The following PROM1 variants were observed in gnomAD, a reference collection of about 807,000 sequenced individuals.
The protein encoded by PROM1 is prominin-1.
A neutral mutation model predicts 116.9 loss-of-function variants in PROM1; 105 were observed. The ratio of observed to expected loss-of-function variants is 0.90; its 90% CI spans 0.77 to 1.06. The LOEUF is 1.06. PROM1 is among the 50% of genes least tolerant of loss of function. The probability of loss-of-function intolerance (pLI) is 0.00; values close to 1 mark genes in which losing one functional copy is unlikely to be tolerated. For missense variants in PROM1, 1,122 were observed against 1,045.2 expected, an observed-to-expected ratio of 1.07 and a Z score of -1.01; for synonymous variants, 393 against 387.0, an observed-to-expected ratio of 1.02 and a Z score of -0.18.
chr4:16,060,322 T>TC (rs1553926733), intron 2 of PROM1, among the ~76,000 whole-genome samples: 2 of 151,500 alleles, frequency 1.3e-5, no homozygotes, highest in Non-Finnish European at 2.9e-5. Flanking sequence ...TTTTTTTTTT[T>TC]CCTTTGGGAC....
At chr4:15,973,309 C>G (rs934205991) in intron 26 of PROM1, among the ~76,000 whole-genome samples, 1 of 152,096 alleles carries the variant, frequency 6.6e-6, no homozygotes, top group African/African-American at 2.4e-5. Context: ...TAGCTGAGCA[C>G]GGTGGTGTGT....
At chr4:15,970,463 G>A (rs180982188) in intron 27 of PROM1, among the ~76,000 whole-genome samples, 1,653 of 151,540 alleles carry the variant, frequency 0.011, 8 homozygotes, top group Middle Eastern at 0.024. Flanking sequence ...GTGAGCCACC[G>A]CACCAGCCCT....
At chr4:16,011,945 A>C (rs1378522015) in intron 11 of PROM1, among the ~76,000 whole-genome samples, 1 of 152,236 alleles carries the variant, frequency 6.6e-6, no homozygotes, top group African/African-American at 2.4e-5. Context: ...TTTTAAAAGA[A>C]ATAGAAGATA....
chr4:16,006,143 T>A (rs773916724), intron 13 of PROM1, among the ~76,000 whole-genome samples: 5 of 152,210 alleles, frequency 3.3e-5, no homozygotes, highest in Non-Finnish European at 7.3e-5. Context: ...AATACTGCTG[T>A]CCCACAAGAG....
At chr4:16,057,666 C>G (rs1157536927) in intron 2 of PROM1, among the ~76,000 whole-genome samples, 2 of 152,196 alleles carry the variant, frequency 1.3e-5, no homozygotes, top group Non-Finnish European at 2.9e-5. Flanking sequence ...TATTTCCCTT[C>G]TCTAGTTTTA....
At chr4:16,065,996 G>A (rs1163972104) in intron 2 of PROM1, among the ~76,000 whole-genome samples, 2 of 152,216 alleles carry the variant, frequency 1.3e-5, no homozygotes, top group Non-Finnish European at 2.9e-5. Context: ...GACAGGCAGA[G>A]ATGAGAGTGA....
chr4:16,037,897 C>G (rs918718440), intron 3 of PROM1: 1 of 152,172 alleles, frequency 6.6e-6, no homozygotes, highest in Non-Finnish European at 1.5e-5. Context: ...ATGCAAGGAG[C>G]CTTGATACTT....
chr4:16,063,456 C>G (rs547068444), intron 2 of PROM1, among the ~76,000 whole-genome samples: 1 of 152,166 alleles, frequency 6.6e-6, no homozygotes, highest in African/African-American at 2.4e-5. Context: ...ATTAGCCAAG[C>G]ATGGTGGCAC....
chr4:16,059,997 T>C (rs1184058404), intron 2 of PROM1, among the ~76,000 whole-genome samples: 2 of 152,138 alleles, frequency 1.3e-5, no homozygotes, highest in Admixed American at 1.3e-4. Flanking sequence ...ATATATACAG[T>C]ATTTTTTCAC....
In PROM1 at chr4:15,994,043, C is replaced by A. The variant is rs953440200; in HGVS notation, c.1711G>T (p.Gly571Cys). 2.5e-6 allele frequency: 4 copies of A among 1,613,762 alleles called. No homozygotes were observed. The highest frequency in any genetic ancestry group is 2.2e-5 in the East Asian group (1 of 44,890). ...SDCKKNRGTY[G>C]TLHLQNSFNI... ...AAGCTGTTCTGCAGGTGAAGAGTGC[C>A]GTAAGTGCCTCTATTTTTTTTGCAG... The change falls in exon 16 of 28, where the codon GGC becomes TGC. Residue 571 changes from glycine (G) to cysteine (C), a missense_variant. By Grantham distance (159) the Gly-to-Cys change is radical. Coordinates refer to ENST00000447510, the MANE Select transcript of PROM1 (RefSeq NM_006017.3).
rs557109889 is a variant in PROM1 at position 16,002,214 on chromosome 4, G to C, written c.1455-1595C>G. Among the ~76,000 whole-genome samples the C allele has an allele frequency of 8.5e-4, 129 of 151,202 alleles. 1 individual carries two copies. The highest frequency in any genetic ancestry group is 3.0e-3 in the African/African-American group (125 of 41,218). On this transcript the variant is annotated intron_variant, in intron 13 of 27. Transcript: ENST00000447510. The stretch of plus-strand genomic sequence containing the variant: ...GGAAAGTGTGGGGGGTGTCGAAAAA[G>C]AAAAAAAACAGAAAGAGAAGGAAGA...
At position 16,009,038 on chromosome 4, in the gene PROM1, A is replaced by G. The variant is rs1560472917; in HGVS notation, c.1212T>C (p.Asp404=). The change falls in exon 12 of 28, where the codon GAT becomes GAC. Residue 404 remains aspartate (D), a synonymous_variant. Coordinates refer to ENST00000447510, the MANE Select transcript of PROM1 (RefSeq NM_006017.3). ...DNVTQRLPIQ[D]ILSAFSVYVN... ...CATAAACAGAGAATGCTGAGAGTAT[A>G]TCCTGAATAGGAAGACGCTGAGTTA... 1 of 1,604,388 alleles carries G rather than the reference A, an allele frequency of 6.2e-7. No homozygotes were observed. The highest frequency in any genetic ancestry group is 8.5e-7 in the Non-Finnish European group (1 of 1,171,548).
intron 2 of PROM1, among the ~76,000 whole-genome samples, chr4:16,053,878 T>C (rs1435653357): frequency 6.6e-6 from 1 of 152,168 alleles, no homozygotes; most frequent in Non-Finnish European, 1.5e-5. Context: ...GTAGATCACT[T>C]GAGGTCAGGA....
intron 1 of PROM1, chr4:16,082,045 C>CTCTG (rs1418572246): frequency 2.0e-5 from 3 of 152,146 alleles, no homozygotes; most frequent in Non-Finnish European, 4.4e-5. Flanking sequence ...TCTTCTGCTC[C>CTCTG]TCTGTCAAAG....
At chr4:16,029,950 T>G (rs533817479) in intron 5 of PROM1, among the ~76,000 whole-genome samples, 2 of 152,366 alleles carry the variant, frequency 1.3e-5, no homozygotes, top group South Asian at 2.1e-4. Context: ...TTTCCCTTTC[T>G]GCCTTCCAAT....
chr4:16,001,223 G>A (rs1039158541), intron 13 of PROM1, among the ~76,000 whole-genome samples: 1 of 152,176 alleles, frequency 6.6e-6, no homozygotes, highest in Non-Finnish European at 1.5e-5. Flanking sequence ...AACACGAGAG[G>A]TAGAGGCAAG....
rs1055070044 is a variant in PROM1, at chr4:16,016,566, A to C, written c.1003-326T>G. Among the ~76,000 whole-genome samples the C allele has an allele frequency of 3.3e-5, 5 of 152,214 alleles. No homozygotes were observed. In the East Asian group the frequency reaches 9.6e-4, roughly 29 times the overall value. ...AATAAAATTGTAAACAACCTTTTTA[A>C]AGTCACTTTTAAAAGCAATGTAGTC... On this transcript the variant is annotated intron_variant, in intron 9 of 27. Transcript: ENST00000447510.
chr4:15,988,034 G>A (rs944807351), intron 19 of PROM1, among the ~76,000 whole-genome samples: 13 of 151,938 alleles, frequency 8.6e-5, no homozygotes, highest in African/African-American at 1.2e-4. Context: ...CCTCCACCAC[G>A]CCCGGCTAAT....
intron 17 of PROM1, 64 bp downstream of exon 17, chr4:15,992,184 C>T: frequency 6.3e-7 from 1 of 1,580,076 alleles, no homozygotes; most frequent in Non-Finnish European, 8.6e-7. Flanking sequence ...AAAAGCAAAA[C>T]AGAAATACAC....
Sources: allele counts gnomAD v4.1 joint callset (sites outside exome capture counted in the v4.1 genomes callset), GRCh38; gene constraint gnomAD v4.1.1; transcripts MANE v1.5; gene names NCBI Gene and HGNC (gene_info 2026-07-23, HGNC 2026-07-21).